The following ABI3BP variants were observed in gnomAD, a reference collection of about 807,000 sequenced individuals.
ABI3BP encodes the protein ABI family member 3 binding protein.
Under a neutral mutation model 268.6 loss-of-function variants are expected in ABI3BP, and 216 were observed. That is an observed-to-expected ratio of 0.80 (90% CI 0.72 to 0.90). The LOEUF is 0.90. Ranked by LOEUF, ABI3BP falls within the 40% of genes least tolerant of loss-of-function variation. The pLI, the probability that ABI3BP is intolerant of heterozygous loss-of-function variation, is 0.00. For synonymous variants in ABI3BP, 730 were observed against 730.0 expected (o/e 1.00, Z 0.00); for missense variants, 2,090 against 2,182.4 (o/e 0.96, Z 0.84).
At position 100,865,859 on chromosome 3, in the gene ABI3BP, C is replaced by T. The variant is rs941378116; in HGVS notation, c.989-952G>A. Among the ~76,000 whole-genome samples, 3 of 152,118 alleles carry T rather than the reference C, an allele frequency of 2.0e-5. No individual in the cohort carries two copies. The East Asian group carries it at 5.8e-4, about 29-fold the overall frequency. ...CCTATGCTTTTCTGGATATTGATCA[C>T]GTATACGGAAGTCAAAAACCATCTA... On this transcript the variant is annotated intron_variant, in intron 10 of 67. Coordinates refer to ENST00000471714, the MANE Select transcript of ABI3BP (RefSeq NM_001375547.2).
chr3:100,816,895 A>G, intron 42 of ABI3BP, 127 bp from the exon 43 acceptor site: 1 of 663,456 alleles, frequency 1.5e-6, no homozygotes, highest in Non-Finnish European at 2.5e-6. Flanking sequence ...AATATTTTCT[A>G]TTTTGTTAAT....
chr3:100,753,169 T>C (rs910468490), intron 65 of ABI3BP, among the ~76,000 whole-genome samples: 5 of 152,200 alleles, frequency 3.3e-5, no homozygotes, highest in African/African-American at 1.2e-4. Context: ...AGGTGTTGAA[T>C]AGCCTCTGCA....
chr3:100,787,508 C>T (rs1038841839), intron 57 of ABI3BP, among the ~76,000 whole-genome samples: 1 of 151,988 alleles, frequency 6.6e-6, no homozygotes, highest in African/African-American at 2.4e-5. Flanking sequence ...TATATAGTAA[C>T]TAGTAGACTA....
chr3:100,864,797 TG>T (rs755443138), intron 11 of ABI3BP, 35 bp downstream of exon 11: 72 of 1,484,824 alleles, frequency 4.8e-5, no homozygotes, highest in Non-Finnish European at 6.1e-5. Context: ...TTGTTACTTT[TG>T]TTTTTTTAGA....
intron 2 of ABI3BP, chr3:100,911,901 A>G (rs2056653537): frequency 6.8e-7 from 1 of 1,467,290 alleles, no homozygotes; most frequent in Non-Finnish European, 9.5e-7. Flanking sequence ...GTACCAACCT[A>G]TCACATTCTT....
In ABI3BP at chr3:100,811,176, G is replaced by A. The variant is rs888083834; in HGVS notation, c.3541+54C>T. ...GAGAGAGACCCAGAGGTTCTCAGGC[G>A]ATGGTGGCAATGAAGACAGAGAGCA... On this transcript the variant is annotated intron_variant, in intron 48 of 67. Transcript: ENST00000471714. 49 of 1,420,510 alleles carry A rather than the reference G, an allele frequency of 3.4e-5. 1 individual carries two copies. The highest frequency in any genetic ancestry group is 7.7e-5 in the South Asian group (6 of 77,762). 88.0% of individuals were successfully genotyped at this position (1,420,510 alleles called of 1,614,324 possible).
chr3:100,832,382 G>A (rs1174407840), intron 30 of ABI3BP, 32 bp from the exon 31 acceptor site: 1 of 1,520,848 alleles, frequency 6.6e-7, no homozygotes, highest in Non-Finnish European at 8.8e-7. Flanking sequence ...TTAATATGGT[G>A]CTGATGGCTC....
Position 100,812,461 on chromosome 3 carries a change from T to G in ABI3BP, c.3421+6A>C. On this transcript the variant is annotated splice_donor_region_variant and intron_variant, in intron 46 of 67. Transcript: ENST00000471714. ...TGCTTGACTTCCCATTGGGGAACATTTTTACCTATGGTCTCCTTTGGTGAC... is the reference window on the plus strand; with the variant it reads ...TGCTTGACTTCCCATTGGGGAACATGTTTACCTATGGTCTCCTTTGGTGAC... 1 of 1,294,552 alleles carries G rather than the reference T, an allele frequency of 7.7e-7. No homozygotes were observed. Among genetic ancestry groups the G allele is most frequent in the Non-Finnish European group, 9.8e-7 (1 of 1,020,674 alleles). 80.2% of individuals were successfully genotyped at this position (1,294,552 alleles called of 1,614,324 possible). A position where few individuals can be genotyped will look rare whatever the true frequency, so the allele number is the denominator to read the frequency against.
chr3:100,864,309 C>T, intron 11 of ABI3BP: 1 of 519,072 alleles, frequency 1.9e-6, no homozygotes. Flanking sequence ...CAGAACAAAA[C>T]ACATGCTGCT....
intron 21 of ABI3BP, among the ~76,000 whole-genome samples, chr3:100,841,127 A>G (rs1439623269): frequency 1.3e-5 from 2 of 150,888 alleles, no homozygotes; most frequent in Non-Finnish European, 3.0e-5. Context: ...TGTGACTGTA[A>G]TAAAGTAACC....
intron 3 of ABI3BP, among the ~76,000 whole-genome samples, chr3:100,901,073 C>T (rs1456902992): frequency 6.6e-6 from 1 of 152,116 alleles, no homozygotes; most frequent in Non-Finnish European, 1.5e-5. Flanking sequence ...GAAGTACAGT[C>T]TTGAAATATT....
intron 51 of ABI3BP, among the ~76,000 whole-genome samples, chr3:100,800,846 A>G (rs1196985350): frequency 8.5e-5 from 13 of 152,184 alleles, no homozygotes; most frequent in Non-Finnish European, 4.4e-5. Flanking sequence ...TGCCTATTAA[A>G]ATCTATCTTA....
rs2098786645 is a variant in ABI3BP at position 100,847,623 on chromosome 3, C to G, written c.1627G>C (p.Glu543Gln). Reference protein sequence around the residue: ...TITPKISKSPEPTWTTPAPGK... With the variant: ...TITPKISKSPQPTWTTPAPGK... ...TTACCCGGTGTTGTCCATGTAGGTT[C>G]AGGGCTTTTAGAAATTTTAGGTGTA... The change falls in exon 19 of 68, where the codon GAA becomes CAA. Residue 543 changes from glutamate (E) to glutamine (Q), a missense_variant. Transcript: ENST00000471714. The G allele has an allele frequency of 6.2e-7, 1 of 1,613,440 alleles. No homozygotes were observed. The highest frequency in any genetic ancestry group is 1.7e-5 in the Admixed American group (1 of 59,988).
intron 2 of ABI3BP, among the ~76,000 whole-genome samples, chr3:100,920,645 A>G (rs1251042375): frequency 6.6e-6 from 1 of 150,668 alleles, no homozygotes; most frequent in Non-Finnish European, 1.5e-5. Context: ...CTGGTCTTGA[A>G]CTCCTGACCT....
chr3:100,820,036 C>G lies in ABI3BP; in HGVS notation c.3031+184G>C, dbSNP rs955867021. ...ATATGCAGAAAATGCAAGGAATTCACCTGCCACAAAGATCTATCCCAACTG... is the reference window on the plus strand; with the variant it reads ...ATATGCAGAAAATGCAAGGAATTCAGCTGCCACAAAGATCTATCCCAACTG... On this transcript the variant is annotated intron_variant, in intron 40 of 67. Transcript: ENST00000471714. 2.6e-5 allele frequency among the ~76,000 whole-genome samples: 4 copies of G among 152,030 alleles called. No homozygotes were observed. The East Asian group carries it at 7.7e-4, about 29-fold the overall frequency.
chr3:100,851,040 C>A (rs759579696), intron 15 of ABI3BP, among the ~76,000 whole-genome samples: 1 of 152,198 alleles, frequency 6.6e-6, no homozygotes, highest in Admixed American at 6.5e-5. Flanking sequence ...TCACCACTGA[C>A]ATTCTATTTC....
chr3:100,932,371 C>T (rs1013103192), intron 1 of ABI3BP, among the ~76,000 whole-genome samples: 4 of 152,000 alleles, frequency 2.6e-5, no homozygotes, highest in Non-Finnish European at 4.4e-5. Flanking sequence ...GGAGCTTCTG[C>T]ACAGCAAACA....
At chr3:100,758,280 T>G (rs2095745387) in intron 63 of ABI3BP, among the ~76,000 whole-genome samples, 1 of 152,176 alleles carries the variant, frequency 6.6e-6, no homozygotes, top group Non-Finnish European at 1.5e-5. Context: ...ATGAGGATAA[T>G]GCTATTTGTG....
At chr3:100,867,214 AT>A (rs1453667096) in intron 9 of ABI3BP, among the ~76,000 whole-genome samples, 1 of 144,524 alleles carries the variant, frequency 6.9e-6, no homozygotes, top group Non-Finnish European at 1.5e-5. Flanking sequence ...AAGAAAAAAA[AT>A]CACAACCCAA....
Sources: allele counts gnomAD v4.1 joint callset (sites outside exome capture counted in the v4.1 genomes callset), GRCh38; gene constraint gnomAD v4.1.1; transcripts MANE v1.5; gene names NCBI Gene and HGNC (gene_info 2026-07-23, HGNC 2026-07-21).